TAFA5: variants seen among roughly 807,000 people sequenced by gnomAD.
TAFA5 encodes chemokine-like protein TAFA-5.
In TAFA5, 6 loss-of-function variants were observed where a neutral mutation model predicts 15.3. The ratio of observed to expected loss-of-function variants is 0.39; its 90% CI spans 0.21 to 0.77. TAFA5 has a LOEUF of 0.77. Ranked by LOEUF, TAFA5 falls within the 30% of genes least tolerant of loss-of-function variation. The probability of loss-of-function intolerance (pLI) is 0.41; values close to 1 mark genes in which losing one functional copy is unlikely to be tolerated. For missense variants in TAFA5, 161 were observed against 193.1 expected (o/e 0.83, Z 0.98); for synonymous variants, 103 against 80.7 (o/e 1.28, Z -1.48).
chr22:48,666,559 AG>A (rs1927622035), intron 2 of TAFA5, among the ~76,000 whole-genome samples: 10 of 51,390 alleles, frequency 1.9e-4, no homozygotes, highest in East Asian at 1.7e-3. Context: ...GTGACCAGTC[AG>A]TACGGAGGCC....
chr22:48,707,772 A>G lies in TAFA5; in HGVS notation c.318A>G (p.Glu106=), dbSNP rs1929125258. 6.2e-7 allele frequency: 1 copy of G among 1,613,934 alleles called. No individual in the cohort carries two copies. Among genetic ancestry groups the G allele is most frequent in the East Asian group, 2.2e-5 (1 of 44,876 alleles). ...ACATGCTTCCGTGTCTGGAGGGGGA[A>G]GGCTGCGACTTGTTAATCAACCGGT... The part of the protein sequence containing the change: ...WCDMLPCLEG[E]GCDLLINRSG... Residue 106 remains glutamate, a synonymous_variant, in exon 3 of 4, where the codon GAA becomes GAG. Coordinates refer to ENST00000402357, the MANE Select transcript of TAFA5 (RefSeq NM_001082967.3).
rs1427265067 is a variant in TAFA5, at chr22:48,530,115, TCCTGTACTGATGA to T, written c.112+40419_112+40431del. 2.6e-5 allele frequency among the ~76,000 whole-genome samples: 4 copies of T among 152,108 alleles called. No individual in the cohort carries two copies. The highest frequency in any genetic ancestry group is 2.6e-4 in the Admixed American group (4 of 15,280). On this transcript the variant is annotated intron_variant, in intron 1 of 3. Transcript: ENST00000402357. This position sits in a 1 kb window ranked among gnomAD's most constrained non-coding sequence, Gnocchi z 6.0. ...GGGAAGCCCTGGCGTCTGCAGACCC[TCCTGTACTGATGA>T]CCTGTACCACCTGCTCTGTCTCCAT...
At chr22:48,597,960 G>T (rs1282883567) in intron 1 of TAFA5, among the ~76,000 whole-genome samples, 1 of 152,234 alleles carries the variant, frequency 6.6e-6, no homozygotes, top group Non-Finnish European at 1.5e-5. Flanking sequence ...GCCCTCCATG[G>T]TGGGGGGAGT....
At chr22:48,602,806 T>G (rs1227215026) in intron 1 of TAFA5, among the ~76,000 whole-genome samples, 2 of 152,146 alleles carry the variant, frequency 1.3e-5, no homozygotes, top group Non-Finnish European at 2.9e-5. Context: ...AGAGATGGTT[T>G]GGCCAGAGGC....
intron 1 of TAFA5, among the ~76,000 whole-genome samples, chr22:48,576,857 C>A (rs1026950545): frequency 2.6e-5 from 4 of 151,886 alleles, no homozygotes; most frequent in Admixed American, 6.6e-5. Flanking sequence ...CAGCCCAAGC[C>A]GAGGCTGCCG....
intron 2 of TAFA5, among the ~76,000 whole-genome samples, chr22:48,669,327 G>C (rs1008912920): frequency 2.6e-5 from 4 of 152,234 alleles, no homozygotes; most frequent in African/African-American, 9.6e-5. Context: ...CATGAGCTTC[G>C]CCTGCAGGGA....
intron 3 of TAFA5, among the ~76,000 whole-genome samples, chr22:48,734,655 T>C (rs1471325180): frequency 6.6e-6 from 1 of 152,246 alleles, no homozygotes; most frequent in Non-Finnish European, 1.5e-5. Context: ...TCCCAGCACA[T>C]AAGTAAATGC....
At chr22:48,667,768 T>C (rs12485016) in intron 2 of TAFA5, among the ~76,000 whole-genome samples, 13,204 of 24,688 alleles carry the variant, frequency 0.53, 3,560 homozygotes, top group East Asian at 0.8. Flanking sequence ...GCGTCTTCAC[T>C]GGGAGCTGTA....
chr22:48,539,129 G>A (rs1311751433), intron 1 of TAFA5: 2 of 298,108 alleles, frequency 6.7e-6, no homozygotes, highest in South Asian at 3.3e-5. Context: ...AGTATCCTGG[G>A]GCTTTCTGCT....
At chr22:48,652,946 C>T (rs1178902813) in intron 2 of TAFA5, among the ~76,000 whole-genome samples, 3 of 152,180 alleles carry the variant, frequency 2.0e-5, no homozygotes, top group African/African-American at 7.2e-5. Flanking sequence ...GGGTCCTGGC[C>T]ACCCTGGACC....
In TAFA5 at chr22:48,600,206, C is replaced by T. The variant is rs1240683831; in HGVS notation, c.113-46391C>T. On this transcript the variant is annotated intron_variant, in intron 1 of 3. Coordinates refer to ENST00000402357, the MANE Select transcript of TAFA5 (RefSeq NM_001082967.3). ...GATCCTATGCAACATCCCCAGATAA[C>T]AGTGCAGGGCAGATAAGTGAGGATG... Among the ~76,000 whole-genome samples, 3 of 152,172 alleles carry T rather than the reference C, an allele frequency of 2.0e-5. No homozygotes were observed. In the East Asian group the frequency reaches 5.8e-4, roughly 29 times the overall value.
At position 48,550,574 on chromosome 22, in the gene TAFA5, C is replaced by T. The variant is rs1021317692; in HGVS notation, c.112+60870C>T. Among the ~76,000 whole-genome samples the T allele has an allele frequency of 6.6e-6, 1 of 152,150 alleles. No homozygotes were observed. The highest frequency in any genetic ancestry group is 1.5e-5 in the Non-Finnish European group (1 of 68,012). ...AAAGCAGATATGCCCTGCCCCCTAC[C>T]CTCATCCCACGGTTCCTAGCAGGTT... On this transcript the variant is annotated intron_variant, in intron 1 of 3. Coordinates refer to ENST00000402357, the MANE Select transcript of TAFA5 (RefSeq NM_001082967.3). The surrounding 1 kb of genome is among the most constrained non-coding windows in gnomAD (Gnocchi z 4.1).
intron 1 of TAFA5, among the ~76,000 whole-genome samples, chr22:48,578,403 C>A (rs929778821): frequency 1.3e-5 from 2 of 152,190 alleles, no homozygotes; most frequent in African/African-American, 4.8e-5. Context: ...CTAAAGGACT[C>A]TGTTTTTTGG....
intron 1 of TAFA5, among the ~76,000 whole-genome samples, chr22:48,595,799 C>T (rs923953409): frequency 6.6e-6 from 1 of 152,256 alleles, no homozygotes; most frequent in Admixed American, 6.5e-5. Context: ...GAGATTGTCT[C>T]CAACTACAGC....
At chr22:48,504,131 G>C (rs531978274) in intron 1 of TAFA5, among the ~76,000 whole-genome samples, 1 of 152,344 alleles carries the variant, frequency 6.6e-6, no homozygotes, top group East Asian at 1.9e-4. Flanking sequence ...GCTCCACCGA[G>C]CTTTAGGGGT....
At chr22:48,719,995 G>A (rs1264556787) in intron 3 of TAFA5, among the ~76,000 whole-genome samples, 2 of 152,176 alleles carry the variant, frequency 1.3e-5, no homozygotes, top group Admixed American at 1.3e-4. Context: ...GTGACACGCT[G>A]GGCGCCATTT....
chr22:48,500,509 G>A (rs985457700), intron 1 of TAFA5, among the ~76,000 whole-genome samples: 3 of 152,254 alleles, frequency 2.0e-5, no homozygotes, highest in East Asian at 1.9e-4. Context: ...GTGCGTGCCG[G>A]CCTCCTTGGG....
At chr22:48,695,793 G>C (rs1449898113) in intron 2 of TAFA5, among the ~76,000 whole-genome samples, 1 of 152,132 alleles carries the variant, frequency 6.6e-6, no homozygotes, top group African/African-American at 2.4e-5. Context: ...TCCTGGTGCT[G>C]GAAAAAAATA....
intron 2 of TAFA5, among the ~76,000 whole-genome samples, chr22:48,668,613 A>G (rs113208392): frequency 1.1e-4 from 5 of 44,828 alleles, no homozygotes; most frequent in Admixed American, 4.7e-4. Context: ...CCCAGCACTC[A>G]GGGCCGCATC....
Sources: gnomAD v4.1 joint callset for allele counts (sites outside exome capture counted in the v4.1 genomes callset) on GRCh38, gnomAD v4.1.1 for gene constraint, Gnocchi (gnomAD v3.1) non-coding constraint, MANE v1.5 for transcripts, NCBI Gene and HGNC (gene_info 2026-07-23, HGNC 2026-07-21) for gene names.